Variants in GRM8 observed in about 807,000 individuals in gnomAD.
GRM8 encodes the protein metabotropic glutamate receptor 8.
In GRM8, 47 loss-of-function variants were observed where a neutral mutation model predicts 87.2. The observed-to-expected ratio is 0.54, with a 90% CI of 0.43 to 0.69. The LOEUF is 0.69. Ranked by LOEUF, GRM8 falls within the 30% of genes least tolerant of loss-of-function variation. GRM8 has a pLI of 0.00. For synonymous variants in GRM8, 396 were observed against 404.5 expected (o/e 0.98, Z 0.25); for missense variants, 1,019 against 1,139.2 (o/e 0.89, Z 1.52).
At chr7:126,883,153 G>A (rs1010319290) in intron 6 of GRM8, among the ~76,000 whole-genome samples, 3 of 152,102 alleles carry the variant, frequency 2.0e-5, no homozygotes, top group Admixed American at 6.5e-5. Context: ...GAGAAGCTTC[G>A]CAGATAAATA....
At chr7:126,463,156 T>G (rs55906938) in intron 9 of GRM8, among the ~76,000 whole-genome samples, 2,874 of 151,680 alleles carry the variant, frequency 0.019, 85 homozygotes, top group African/African-American at 0.065. Flanking sequence ...ATTCTATTAT[T>G]TATGATGAAG....
chr7:126,488,035 A>G (rs1336368595), intron 9 of GRM8, among the ~76,000 whole-genome samples: 1 of 152,006 alleles, frequency 6.6e-6, no homozygotes, highest in Non-Finnish European at 1.5e-5. Flanking sequence ...ACCTCATAAG[A>G]GCTTTTCCTT....
chr7:126,529,186 G>GA (rs201881734), intron 9 of GRM8, among the ~76,000 whole-genome samples: 104 of 148,360 alleles, frequency 7.0e-4, no homozygotes, highest in East Asian at 4.7e-3. Context: ...ATTTTTTTCA[G>GA]AAAAAAAAAA....
intron 8 of GRM8, among the ~76,000 whole-genome samples, chr7:126,542,740 T>G (rs1048741520): frequency 6.6e-6 from 1 of 152,228 alleles, no homozygotes; most frequent in African/African-American, 2.4e-5. Context: ...ATTAAAGGAC[T>G]TTTAGGCAAA....
intron 3 of GRM8, among the ~76,000 whole-genome samples, chr7:126,909,497 G>A (rs1173413006): frequency 6.6e-6 from 1 of 152,110 alleles, no homozygotes; most frequent in African/African-American, 2.4e-5. Flanking sequence ...CAATTTAAGG[G>A]ACTTTAACTT....
At chr7:126,620,077 G>T (rs1383596167) in intron 7 of GRM8, among the ~76,000 whole-genome samples, 1 of 152,036 alleles carries the variant, frequency 6.6e-6, no homozygotes, top group Non-Finnish European at 1.5e-5. Context: ...ATCTCTTCAG[G>T]CCAGGAGTTC....
Position 127,243,019 on chromosome 7 carries a change from C to A in GRM8, c.186G>T (p.Val62=). 6.2e-7 allele frequency: 1 copy of A among 1,614,022 alleles called. No individual in the cohort carries two copies. The highest frequency in any genetic ancestry group is 8.5e-7 in the Non-Finnish European group (1 of 1,179,920). ...TTTCCTTCTTCAGCTCCCCACAAGG[C>A]ACCCCTCTCTCTCCCTTTGCGTGGA... is the stretch of plus-strand genomic sequence containing the variant. ...FPVHAKGERG[V]PCGELKKEKG... Residue 62 remains valine (V), a synonymous_variant, in exon 2 of 11, where the codon GTG becomes GTT. Coordinates refer to ENST00000339582, the MANE Select transcript of GRM8 (RefSeq NM_000845.3).
intron 3 of GRM8, among the ~76,000 whole-genome samples, chr7:126,991,474 A>G (rs1812648061): frequency 6.6e-6 from 1 of 152,192 alleles, no homozygotes; most frequent in African/African-American, 2.4e-5. Context: ...ATTTACACAA[A>G]TTAATTACTT....
intron 8 of GRM8, among the ~76,000 whole-genome samples, chr7:126,553,029 G>A (rs1260267247): frequency 6.6e-6 from 1 of 152,008 alleles, no homozygotes; most frequent in Admixed American, 6.6e-5. Flanking sequence ...AACAGGGTAG[G>A]CATAATAGTC....
intron 2 of GRM8, among the ~76,000 whole-genome samples, chr7:127,144,408 A>T (rs1296420378): frequency 6.6e-6 from 1 of 152,098 alleles, no homozygotes; most frequent in East Asian, 1.9e-4. Context: ...TTGGGAAAGC[A>T]CTACCCTTCA....
rs530215083 is a variant in GRM8, at chr7:126,443,193, G to A, written c.2677+2933C>T. On this transcript the variant is annotated intron_variant, in intron 10 of 10. Transcript: ENST00000339582. ...CATAGCTTAAAGAATACTATGTACA[G>A]CATTTGTTAATTGGGTACAGTTGGC... Among the ~76,000 whole-genome samples, 5 of 149,486 alleles carry A rather than the reference G, an allele frequency of 3.3e-5. No homozygotes were observed. In the South Asian group the frequency reaches 6.3e-4, roughly 19 times the overall value.
intron 3 of GRM8, among the ~76,000 whole-genome samples, chr7:126,937,394 C>T (rs1806449238): frequency 6.6e-6 from 1 of 152,064 alleles, no homozygotes; most frequent in Non-Finnish European, 1.5e-5. Flanking sequence ...TATTACATTG[C>T]CAAAGAAAAC....
chr7:127,134,034 C>T (rs577193523), intron 2 of GRM8, among the ~76,000 whole-genome samples: 1 of 152,288 alleles, frequency 6.6e-6, no homozygotes, highest in East Asian at 1.9e-4. Context: ...CTCCATTCAT[C>T]CTCATAGGTT....
At chr7:126,556,953 T>TG (rs1793210149) in intron 8 of GRM8, among the ~76,000 whole-genome samples, 1 of 152,136 alleles carries the variant, frequency 6.6e-6, no homozygotes, top group African/African-American at 2.4e-5. Context: ...GAAAGAAATA[T>TG]GGATATACTA....
rs564114421 is a variant in GRM8, at chr7:126,926,470, T to C, written c.728-21787A>G. The stretch of plus-strand genomic sequence containing the variant: ...ACTGCCATGGCCTTAGTTCAAGCCC[T>C]CCTTACCTCTCACCTGGGTTACTAT... On this transcript the variant is annotated intron_variant, in intron 3 of 10. Coordinates refer to ENST00000339582, the MANE Select transcript of GRM8 (RefSeq NM_000845.3). Among the ~76,000 whole-genome samples the C allele has an allele frequency of 1.6e-4, 25 of 152,290 alleles. No homozygotes were observed. The East Asian group carries it at 4.4e-3, about 27-fold the overall frequency.
chr7:126,900,696 G>C (rs1373166746), intron 6 of GRM8, among the ~76,000 whole-genome samples: 1 of 152,016 alleles, frequency 6.6e-6, no homozygotes, highest in African/African-American at 2.4e-5. Flanking sequence ...TTTTAGTAGA[G>C]ATGGGTTTTC....
At chr7:126,749,306 C>A (rs536804979) in intron 7 of GRM8, among the ~76,000 whole-genome samples, 1 of 151,660 alleles carries the variant, frequency 6.6e-6, no homozygotes, top group South Asian at 2.1e-4. Flanking sequence ...AATAAAATCA[C>A]CTTTCTAAGG....
At chr7:127,187,527 C>G (rs1442829792) in intron 2 of GRM8, among the ~76,000 whole-genome samples, 2 of 152,120 alleles carry the variant, frequency 1.3e-5, no homozygotes, top group African/African-American at 4.8e-5. Flanking sequence ...AAATAGCAAA[C>G]AGGAGTTCAC....
chr7:126,834,661 G>A (rs1305975776), intron 6 of GRM8, among the ~76,000 whole-genome samples: 2 of 152,256 alleles, frequency 1.3e-5, no homozygotes, highest in South Asian at 4.1e-4. Context: ...AATTGACAAG[G>A]CTTTAATAGA....
Sources: gnomAD v4.1 joint callset for allele counts (sites outside exome capture counted in the v4.1 genomes callset) on GRCh38, gnomAD v4.1.1 for gene constraint, MANE v1.5 for transcripts, NCBI Gene and HGNC (gene_info 2026-07-23, HGNC 2026-07-21) for gene names.